Variants in FGD4 observed in about 807,000 individuals in gnomAD.
The protein encoded by FGD4 is FYVE, RhoGEF and PH domain-containing protein 4.
FGD4 carries 42 observed loss-of-function variants against 102.0 expected under a neutral mutation model. The ratio of observed to expected loss-of-function variants is 0.41; its 90% CI spans 0.32 to 0.53. The LOEUF (loss-of-function observed/expected upper bound fraction) is 0.53, where lower values mean the gene tolerates loss of function less well. Ranked by LOEUF, FGD4 falls within the 20% of genes least tolerant of loss-of-function variation. The probability of loss-of-function intolerance (pLI) is 0.21; values close to 1 mark genes in which losing one functional copy is unlikely to be tolerated. For missense variants in FGD4, 902 were observed against 1,078.2 expected (o/e 0.84, Z 2.29); for synonymous variants, 380 against 375.7 (o/e 1.01, Z -0.13).
Position 32,582,220 on chromosome 12 carries a change from C to A in FGD4, c.764C>A (p.Ala255Asp). 1 of 1,614,224 alleles carries A rather than the reference C, an allele frequency of 6.2e-7. No homozygotes were observed. The highest frequency in any genetic ancestry group is 2.2e-5 in the East Asian group (1 of 44,888). Residue 255 changes from alanine (A) to aspartate (D), a missense_variant, in exon 4 of 17, where the codon GCT becomes GAT. This residue lies in a region of FGD4 where 443 missense variants were observed against 459.2 expected (regional missense o/e 0.96). Transcript: ENST00000534526. ...ATLSSDTSIQ[A>D]SEPLLDTHIV... ...CTTAGCTCAGATACTTCTATTCAAG[C>A]TTCTGAACCCTTGCTTGATACGCAC...
At chr12:32,565,143 G>T (rs1945078298) in intron 2 of FGD4, among the ~76,000 whole-genome samples, 1 of 152,148 alleles carries the variant, frequency 6.6e-6, no homozygotes, top group Non-Finnish European at 1.5e-5. Flanking sequence ...TTCTTGCAAA[G>T]AAAAATGTAT....
At chr12:32,630,194 C>G (rs368887423) in intron 14 of FGD4, among the ~76,000 whole-genome samples, 11 of 152,228 alleles carry the variant, frequency 7.2e-5, no homozygotes, top group African/African-American at 2.6e-4. Context: ...CTTACTTTAA[C>G]GTAAAGAAGC....
intron 1 of FGD4, among the ~76,000 whole-genome samples, chr12:32,537,007 C>T (rs1942333592): frequency 6.6e-6 from 1 of 151,498 alleles, no homozygotes; most frequent in Non-Finnish European, 1.5e-5. Flanking sequence ...CTCCGGGGTT[C>T]ACACCATTCT....
chr12:32,567,674 A>G lies in FGD4; in HGVS notation c.319+3385A>G, dbSNP rs139993448. The stretch of plus-strand genomic sequence containing the variant: ...GATTGCTAAGAAGATTATAGTCACA[A>G]TTTATTGTGGGCTTTTTTTTTTTTT... On this transcript the variant is annotated intron_variant, in intron 2 of 16. Transcript: ENST00000534526. 4.4e-3 allele frequency among the ~76,000 whole-genome samples: 638 copies of G among 146,006 alleles called. 6 individuals carry two copies. The highest frequency in any genetic ancestry group is 0.015 in the African/African-American group (590 of 39,602).
intron 1 of FGD4, among the ~76,000 whole-genome samples, chr12:32,505,579 T>G (rs117915491): frequency 0.042 from 6,408 of 152,318 alleles, 150 homozygotes; most frequent in Non-Finnish European, 0.06. Flanking sequence ...TGATGTAGAT[T>G]GTTGGAACCA....
intron 1 of FGD4, among the ~76,000 whole-genome samples, chr12:32,433,955 A>G (rs1213955052): frequency 6.6e-6 from 1 of 151,964 alleles, no homozygotes; most frequent in Non-Finnish European, 1.5e-5. Context: ...TTCTGGGTTC[A>G]AGCGATTCTT....
intron 1 of FGD4, among the ~76,000 whole-genome samples, chr12:32,445,557 A>G (rs1326250324): frequency 6.6e-6 from 1 of 152,212 alleles, no homozygotes; most frequent in East Asian, 1.9e-4. Flanking sequence ...GAATGCTGAA[A>G]ATGGCAGTTG....
At chr12:32,547,704 A>G (rs968215091) in intron 1 of FGD4, among the ~76,000 whole-genome samples, 3 of 152,216 alleles carry the variant, frequency 2.0e-5, no homozygotes, top group Non-Finnish European at 2.9e-5. Context: ...TTAAAGCACT[A>G]TGAAATCCCA....
At chr12:32,418,246 G>T (rs1215929478) in intron 1 of FGD4, among the ~76,000 whole-genome samples, 1 of 152,098 alleles carries the variant, frequency 6.6e-6, no homozygotes, top group Non-Finnish European at 1.5e-5. Context: ...GTGAGCCACC[G>T]CGCCTGGCCC....
rs1219371428 is a variant in FGD4, at chr12:32,643,623, C to G, written c.*3090C>G. 6.6e-6 allele frequency: 1 copy of G among 151,062 alleles called. No homozygotes were observed. Among genetic ancestry groups the G allele is most frequent in the Non-Finnish European group, 1.5e-5 (1 of 67,790 alleles). The allele number at this position is 151,062 out of a possible 1,614,324, so 9.4% of individuals were successfully genotyped here. ...TATTAAACTTTTTACAGAAACTAAC[C>G]TTTTAAATGTACCCTTTCCCCATAT... On this transcript the variant is annotated 3_prime_UTR_variant, in exon 17 of 17. Transcript: ENST00000534526.
chr12:32,430,417 C>G (rs996331115), intron 1 of FGD4, among the ~76,000 whole-genome samples: 14 of 152,014 alleles, frequency 9.2e-5, no homozygotes, highest in Admixed American at 3.9e-4. Context: ...TAACTCAAAT[C>G]CTCTATTGCT....
At chr12:32,465,225 C>T (rs1277309050) in intron 1 of FGD4, among the ~76,000 whole-genome samples, 2 of 143,664 alleles carry the variant, frequency 1.4e-5, no homozygotes, top group African/African-American at 4.9e-5. Flanking sequence ...AGAAGCCTTA[C>T]TGATAACATA....
chr12:32,400,087 T>C, intron 1 of FGD4, 128 bp downstream of exon 1: 2 of 1,300,990 alleles, frequency 1.5e-6, no homozygotes, highest in Middle Eastern at 2.8e-4. Flanking sequence ...GGAGGTTCAT[T>C]GTGGAAGGCT....
chr12:32,565,820 T>C (rs1280813216), intron 2 of FGD4, among the ~76,000 whole-genome samples: 1 of 152,248 alleles, frequency 6.6e-6, no homozygotes, highest in Non-Finnish European at 1.5e-5. Context: ...GGGCTAATTA[T>C]GTATATATAC....
intron 1 of FGD4, among the ~76,000 whole-genome samples, chr12:32,501,786 A>G (rs1003047168): frequency 6.6e-6 from 1 of 152,200 alleles, no homozygotes; most frequent in Non-Finnish European, 1.5e-5. Context: ...AGATTTCTAG[A>G]ATGCTTTATC....
chr12:32,510,739 G>T (rs1449566222), intron 1 of FGD4, among the ~76,000 whole-genome samples: 1 of 152,126 alleles, frequency 6.6e-6, no homozygotes, highest in Non-Finnish European at 1.5e-5. Flanking sequence ...CCTATCACTG[G>T]TGGTATTTAA....
At chr12:32,473,404 C>T in intron 1 of FGD4, among the ~76,000 whole-genome samples, 1 of 152,098 alleles carries the variant, frequency 6.6e-6, no homozygotes, top group Non-Finnish European at 1.5e-5. Flanking sequence ...AGCCCAGGAG[C>T]CCACTGGGGG....
At chr12:32,499,757 T>A (rs560394283) in intron 1 of FGD4, among the ~76,000 whole-genome samples, 78 of 152,374 alleles carry the variant, frequency 5.1e-4, no homozygotes, top group Non-Finnish European at 1.0e-3. Flanking sequence ...GGCTCATGCC[T>A]GTAATCCCAA....
chr12:32,414,692 G>A (rs943667390), intron 1 of FGD4, among the ~76,000 whole-genome samples: 12 of 152,028 alleles, frequency 7.9e-5, no homozygotes, highest in Admixed American at 6.6e-4. Context: ...GTCTTTCTGT[G>A]ACTGACCTAT....
Sources: allele counts gnomAD v4.1 joint callset (sites outside exome capture counted in the v4.1 genomes callset), GRCh38; gene constraint gnomAD v4.1.1; regional missense constraint gnomAD v4.1.1; transcripts MANE v1.5; gene names NCBI Gene and HGNC (gene_info 2026-07-23, HGNC 2026-07-21).